SLC17A1: variants seen among roughly 807,000 people sequenced by gnomAD.
SLC17A1 encodes the protein sodium-dependent phosphate transport protein 1.
SLC17A1 carries 51 observed loss-of-function variants against 53.5 expected under a neutral mutation model. That is an observed-to-expected ratio of 0.95 (90% CI 0.76 to 1.20). The LOEUF is 1.20. Among genes scored for constraint, SLC17A1 ranks in the 50% most tolerant of loss-of-function variants. SLC17A1 has a pLI of 0.00. For synonymous variants in SLC17A1, 179 were observed against 198.8 expected (o/e 0.90, Z 0.84); for missense variants, 538 against 568.2 (o/e 0.95, Z 0.54).
At chr6:25,786,525 G>A (rs967389568) in intron 12 of SLC17A1, among the ~76,000 whole-genome samples, 1 of 152,194 alleles carries the variant, frequency 6.6e-6, no homozygotes. Flanking sequence ...AGGCCCAAGG[G>A]ACCACCTAGA....
chr6:25,813,292 A>T (rs926297800), intron 6 of SLC17A1, 79 bp from the exon 7 acceptor site: 3 of 1,178,614 alleles, frequency 2.5e-6, no homozygotes, highest in African/African-American at 3.0e-5. Context: ...TTTTCAATGT[A>T]TCAGTCTGAG....
At chr6:25,731,565 A>AT in the SLC17A1 span, among the ~76,000 whole-genome samples, 4 of 152,230 alleles carry the variant, frequency 2.6e-5, no homozygotes, top group Admixed American at 2.0e-4. Flanking sequence ...CGGCTGTGAG[A>AT]TTTTAGCTTT....
the SLC17A1 span, among the ~76,000 whole-genome samples, chr6:25,747,000 G>C: frequency 6.6e-6 from 1 of 152,292 alleles, no homozygotes; most frequent in East Asian, 1.9e-4. Flanking sequence ...ACTCTTATAA[G>C]TTCACAGTAT....
chr6:25,792,151 T>G (rs542178571), intron 12 of SLC17A1, among the ~76,000 whole-genome samples: 130 of 152,308 alleles, frequency 8.5e-4, no homozygotes, highest in African/African-American at 3.1e-3. Flanking sequence ...CTTTTATATT[T>G]GGGACTTCCA....
the SLC17A1 span, among the ~76,000 whole-genome samples, chr6:25,763,289 A>G: frequency 6.6e-6 from 1 of 152,228 alleles, no homozygotes; most frequent in African/African-American, 2.4e-5. Context: ...TTCAAACAGC[A>G]TCATGCTACT....
chr6:25,818,837 C>T (rs865949161), intron 6 of SLC17A1, among the ~76,000 whole-genome samples: 3 of 152,194 alleles, frequency 2.0e-5, no homozygotes, highest in African/African-American at 4.8e-5. Flanking sequence ...GCATCTATAT[C>T]GCCTACATTA....
chr6:25,819,913 G>A lies in SLC17A1; in HGVS notation c.210C>T (p.Asn70=), dbSNP rs1764493428. The A allele has an allele frequency of 1.3e-6, 2 of 1,593,922 alleles. No individual in the cohort carries two copies. The highest frequency in any genetic ancestry group is 1.3e-5 in the African/African-American group (1 of 74,174). The part of the protein sequence containing the change: ...STKKLLDNIK[N]PMYNWSPDIQ... Reference sequence around the variant, plus strand: ...TATCTGGGCTCCAATTATACATAGGGTTCTAAAAGACAAGGGGGGACATGT... The same window carrying A: ...TATCTGGGCTCCAATTATACATAGGATTCTAAAAGACAAGGGGGGACATGT... Residue 70 remains asparagine, a splice_region_variant and synonymous_variant, in exon 4 of 13, where the codon AAC becomes AAT. Transcript: ENST00000244527.
chr6:25,830,503 T>C (rs1320469969), intron 2 of SLC17A1, 21 bp downstream of exon 2: 5 of 1,571,270 alleles, frequency 3.2e-6, no homozygotes, highest in Non-Finnish European at 4.4e-6. Flanking sequence ...ACCTGTTTAA[T>C]GGAACAGAAT....
chr6:25,802,228 C>T (rs1403999994), intron 10 of SLC17A1, among the ~76,000 whole-genome samples: 1 of 152,072 alleles, frequency 6.6e-6, no homozygotes, highest in Admixed American at 6.5e-5. Context: ...TTTTTATCTT[C>T]CAATTTGGAA....
chr6:25,775,146 ATGG>A, the SLC17A1 span, among the ~76,000 whole-genome samples: 14 of 152,092 alleles, frequency 9.2e-5, no homozygotes, highest in Admixed American at 1.3e-4. Context: ...CCTGGCCAAC[ATGG>A]TGAACCCCCT....
At chr6:25,735,878 A>G in the SLC17A1 span, among the ~76,000 whole-genome samples, 1 of 152,236 alleles carries the variant, frequency 6.6e-6, no homozygotes, top group African/African-American at 2.4e-5. Flanking sequence ...TCACTGGGGT[A>G]CCATGATTGG....
At chr6:25,804,822 CAAG>C (rs1211482130) in intron 10 of SLC17A1, among the ~76,000 whole-genome samples, 1 of 151,926 alleles carries the variant, frequency 6.6e-6, no homozygotes, top group African/African-American at 2.4e-5. Flanking sequence ...ATCAATCAAA[CAAG>C]AAGATATTAC....
At chr6:25,779,531 A>C (rs899479390), downstream of SLC17A1, 1 of 203,610 alleles carries the variant, frequency 4.9e-6, no homozygotes, top group Non-Finnish European at 9.8e-6. Context: ...AGTTGCGCCC[A>C]ACATGCAGAA....
intron 12 of SLC17A1, among the ~76,000 whole-genome samples, chr6:25,789,431 T>C (rs190207338): frequency 1.3e-5 from 2 of 152,310 alleles, no homozygotes; most frequent in Admixed American, 1.3e-4. Context: ...AATATTTACA[T>C]AGTTCCAAAG....
the SLC17A1 span, among the ~76,000 whole-genome samples, chr6:25,764,116 A>C: frequency 2.0e-5 from 3 of 152,190 alleles, no homozygotes; most frequent in Non-Finnish European, 4.4e-5. Context: ...CATGTCTAAC[A>C]TGACTGATCC....
At chr6:25,806,394 C>A (rs943302051) in intron 10 of SLC17A1, among the ~76,000 whole-genome samples, 2 of 151,928 alleles carry the variant, frequency 1.3e-5, no homozygotes, top group Non-Finnish European at 2.9e-5. Flanking sequence ...TAATAAAAGT[C>A]ACATATAGCA....
At chr6:25,753,537 G>A in the SLC17A1 span, among the ~76,000 whole-genome samples, 2 of 152,252 alleles carry the variant, frequency 1.3e-5, no homozygotes, top group South Asian at 4.1e-4. Context: ...CCTGGTGATA[G>A]ATGATTGTGA....
At chr6:25,742,355 C>T in the SLC17A1 span, among the ~76,000 whole-genome samples, 1 of 152,214 alleles carries the variant, frequency 6.6e-6, no homozygotes, top group Admixed American at 6.5e-5. Flanking sequence ...GGGCAGGAAA[C>T]TTTTGTTATA....
chr6:25,726,284 G>A, the SLC17A1 span: 1 of 1,614,062 alleles, frequency 6.2e-7, no homozygotes, highest in Non-Finnish European at 8.5e-7. Context: ...TGCAGGTGGC[G>A]GGGAATAATG....
Sources: gnomAD v4.1 joint callset for allele counts (sites outside exome capture counted in the v4.1 genomes callset) on GRCh38, gnomAD v4.1.1 for gene constraint, MANE v1.5 for transcripts, NCBI Gene and HGNC (gene_info 2026-07-23, HGNC 2026-07-21) for gene names.